Variants in TMEFF2 observed in about 807,000 individuals in gnomAD.
TMEFF2 encodes tomoregulin-2.
TMEFF2 carries 28 observed loss-of-function variants against 53.8 expected under a neutral mutation model. That is an observed-to-expected ratio of 0.52 (90% CI 0.39 to 0.71). TMEFF2 has a LOEUF of 0.71. Ranked by LOEUF, TMEFF2 falls within the 30% of genes least tolerant of loss-of-function variation. The pLI is 0.00. For missense variants in TMEFF2, 353 were observed against 455.2 expected, an observed-to-expected ratio of 0.78 and a Z score of 2.04; for synonymous variants, 162 against 166.3, an observed-to-expected ratio of 0.97 and a Z score of 0.20.
At chr2:192,179,159 C>T (rs1417850070) in intron 4 of TMEFF2, 2 of 151,284 alleles carry the variant, frequency 1.3e-5, no homozygotes, top group Non-Finnish European at 3.0e-5. Context: ...ATTTTACTTT[C>T]ATTGGACTTC....
At chr2:192,050,561 T>C (rs1386280881) in intron 5 of TMEFF2, among the ~76,000 whole-genome samples, 2 of 151,096 alleles carry the variant, frequency 1.3e-5, no homozygotes, top group Non-Finnish European at 2.9e-5. Flanking sequence ...GTCATTGTTA[T>C]TCATTTGTCT....
chr2:192,006,059 A>G (rs1456528814), intron 5 of TMEFF2, among the ~76,000 whole-genome samples: 1 of 80,072 alleles, frequency 1.2e-5, no homozygotes, highest in Non-Finnish European at 2.9e-5. Context: ...GTCTCAGGTG[A>G]CTTTTTTTTT....
At chr2:191,975,038 TTAAA>T (rs1166734966) in intron 7 of TMEFF2, among the ~76,000 whole-genome samples, 1 of 151,884 alleles carries the variant, frequency 6.6e-6, no homozygotes, top group Non-Finnish European at 1.5e-5. Context: ...AGTGTAATGG[TTAAA>T]TAATGTTACA....
chr2:192,189,006 G>A (rs1053200051), intron 2 of TMEFF2, among the ~76,000 whole-genome samples: 5 of 151,952 alleles, frequency 3.3e-5, no homozygotes, highest in African/African-American at 1.2e-4. Flanking sequence ...ACCTTCACAT[G>A]TACCCCAAAA....
chr2:192,088,284 G>A lies in TMEFF2; in HGVS notation c.440-30509C>T, dbSNP rs138315627. 8.9e-3 allele frequency among the ~76,000 whole-genome samples: 1,352 copies of A among 152,186 alleles called. 13 individuals are homozygous for A. The highest frequency in any genetic ancestry group is 0.016 in the Non-Finnish European group (1,057 of 68,000). ...TGAAGGGATGTAGAAGACTAACAGG[G>A]AGGTGGGAAAGGGAGTCTCACACTG... On this transcript the variant is annotated intron_variant, in intron 4 of 9. Transcript: ENST00000272771.
At chr2:192,023,656 T>A (rs1686907419) in intron 5 of TMEFF2, among the ~76,000 whole-genome samples, 2 of 151,006 alleles carry the variant, frequency 1.3e-5, no homozygotes, top group Admixed American at 1.3e-4. Flanking sequence ...CTTATGCTAA[T>A]TTGACTTTTT....
At chr2:192,111,324 T>C (rs919627785) in intron 4 of TMEFF2, among the ~76,000 whole-genome samples, 1 of 152,150 alleles carries the variant, frequency 6.6e-6, no homozygotes, top group African/African-American at 2.4e-5. Flanking sequence ...CAGGTTGAGG[T>C]TGTCTCAGAT....
intron 4 of TMEFF2, among the ~76,000 whole-genome samples, chr2:192,135,005 T>G (rs945778206): frequency 6.6e-6 from 1 of 152,212 alleles, no homozygotes; most frequent in Non-Finnish European, 1.5e-5. Flanking sequence ...GTCCTCAGAA[T>G]GCTACAAGCT....
intron 5 of TMEFF2, among the ~76,000 whole-genome samples, chr2:192,034,193 A>T (rs1687222768): frequency 1.3e-5 from 2 of 151,364 alleles, no homozygotes; most frequent in South Asian, 4.2e-4. Flanking sequence ...AAAAAAAAAA[A>T]TCCTTTTTTT....
chr2:191,983,709 A>T (rs2105817849), intron 7 of TMEFF2, among the ~76,000 whole-genome samples: 1 of 152,292 alleles, frequency 6.6e-6, no homozygotes, highest in South Asian at 2.1e-4. Flanking sequence ...TGGCTCTGGG[A>T]TACATCTGAA....
chr2:191,949,812 G>C lies in TMEFF2; in HGVS notation c.*499C>G, dbSNP rs1333227257. The C allele has an allele frequency of 6.7e-5, 66 of 985,072 alleles. No individual in the cohort carries two copies. Among genetic ancestry groups the C allele is most frequent in the Non-Finnish European group, 7.8e-5 (65 of 829,766 alleles). 61.0% of individuals were successfully genotyped at this position (985,072 alleles called of 1,614,324 possible). A position where few individuals can be genotyped will look rare whatever the true frequency, so the allele number is the denominator to read the frequency against. On this transcript the variant is annotated 3_prime_UTR_variant, in exon 10 of 10. Coordinates refer to ENST00000272771, the MANE Select transcript of TMEFF2 (RefSeq NM_016192.4). Reference sequence around the variant, plus strand: ...GATCGGAAATATTTTATCCTCACTCGATATAAAGTAAATTATTTTTTCTCT... The same window carrying C: ...GATCGGAAATATTTTATCCTCACTCCATATAAAGTAAATTATTTTTTCTCT...
At chr2:192,021,956 C>G (rs1243490012) in intron 5 of TMEFF2, 1 of 152,200 alleles carries the variant, frequency 6.6e-6, no homozygotes, top group African/African-American at 2.4e-5. Flanking sequence ...TGAGGTCATT[C>G]TCATTTTTGT....
At chr2:192,078,875 A>G (rs1258120687) in intron 4 of TMEFF2, among the ~76,000 whole-genome samples, 1 of 152,198 alleles carries the variant, frequency 6.6e-6, no homozygotes, top group South Asian at 2.1e-4. Flanking sequence ...GCAGGATCCA[A>G]CCAATTATTA....
At chr2:192,130,584 G>A (rs181320222) in intron 4 of TMEFF2, among the ~76,000 whole-genome samples, 2,037 of 152,026 alleles carry the variant, frequency 0.013, 29 homozygotes, top group Non-Finnish European at 0.022. Flanking sequence ...TCCTTCTCCT[G>A]GCTCAGAAGC....
chr2:191,973,413 A>ATG (rs573130954), intron 7 of TMEFF2, among the ~76,000 whole-genome samples: 354 of 152,296 alleles, frequency 2.3e-3, no homozygotes, highest in African/African-American at 8.2e-3. Context: ...ATTTATATAT[A>ATG]TGTGTGTGTA....
chr2:192,153,654 A>G (rs987960438), intron 4 of TMEFF2, among the ~76,000 whole-genome samples: 4 of 151,896 alleles, frequency 2.6e-5, no homozygotes, highest in African/African-American at 4.8e-5. Context: ...TGCCATTCTT[A>G]TATTTCCTGG....
intron 9 of TMEFF2, among the ~76,000 whole-genome samples, chr2:191,952,066 T>C (rs2105782815): frequency 6.6e-6 from 1 of 152,300 alleles, no homozygotes; most frequent in Non-Finnish European, 1.5e-5. Context: ...CCCTTGTTGC[T>C]CAGCTGTGTG....
chr2:192,192,062 A>C (rs1691475415), intron 1 of TMEFF2, 73 bp from the exon 2 acceptor site: 1 of 1,054,396 alleles, frequency 9.5e-7, no homozygotes, highest in Admixed American at 2.0e-5. Context: ...CACTACTTTG[A>C]AGCTTTAAAA....
At chr2:192,153,648 A>G (rs1574419089) in intron 4 of TMEFF2, among the ~76,000 whole-genome samples, 2 of 152,046 alleles carry the variant, frequency 1.3e-5, no homozygotes, top group East Asian at 3.9e-4. Flanking sequence ...TTGATGTGCC[A>G]TTCTTATATT....
Sources: gnomAD v4.1 joint callset for allele counts (sites outside exome capture counted in the v4.1 genomes callset) on GRCh38, gnomAD v4.1.1 for gene constraint, MANE v1.5 for transcripts, NCBI Gene and HGNC (gene_info 2026-07-23, HGNC 2026-07-21) for gene names.